Variants in RYR3 observed in about 807,000 individuals in gnomAD.
RYR3 encodes ryanodine receptor 3.
In RYR3, 207 loss-of-function variants were observed where a neutral mutation model predicts 584.3. That is an observed-to-expected ratio of 0.35 (90% confidence interval 0.32 to 0.40). The LOEUF (loss-of-function observed/expected upper bound fraction) is 0.40. Among genes scored for constraint, RYR3 ranks in the 10% least tolerant of loss-of-function variants. The pLI is 1.00. For synonymous variants in RYR3, 2,416 were observed against 2,248.5 expected (o/e 1.07, Z -2.11); for missense variants, 5,616 against 6,089.2 (o/e 0.92, Z 2.59).
intron 68 of RYR3, among the ~76,000 whole-genome samples, chr15:33,801,554 G>T (rs1596667787): frequency 1.3e-5 from 2 of 152,262 alleles, no homozygotes; most frequent in Middle Eastern, 6.8e-3. Context: ...CAGGCCTGCT[G>T]TCTGTCATGT....
chr15:33,423,800 C>T (rs998586726), intron 1 of RYR3, among the ~76,000 whole-genome samples: 3 of 152,080 alleles, frequency 2.0e-5, no homozygotes, highest in African/African-American at 7.2e-5. Context: ...CATGAGGTTT[C>T]TTAAGTGTTC....
chr15:33,512,465 C>T (rs1400468969), intron 3 of RYR3, among the ~76,000 whole-genome samples: 1 of 152,228 alleles, frequency 6.6e-6, no homozygotes, highest in Non-Finnish European at 1.5e-5. Context: ...AAGCTCCAGA[C>T]TCTCTCAAAT....
intron 1 of RYR3, among the ~76,000 whole-genome samples, chr15:33,349,574 T>G (rs1241496484): frequency 6.6e-6 from 1 of 150,890 alleles, no homozygotes; most frequent in African/African-American, 2.4e-5. Flanking sequence ...TTTGTGTACC[T>G]TCTTTTTTTT....
chr15:33,361,403 A>G lies in RYR3; in HGVS notation c.51+50307A>G, dbSNP rs190946927. On this transcript the variant is annotated intron_variant, in intron 1 of 103. Transcript: ENST00000634891. ...CAGAAATAAAACTACCTAACCATGC[A>G]TGGGCCGTCTCCATTTTAGCAAGGT... is the stretch of plus-strand genomic sequence containing the variant. Among the ~76,000 whole-genome samples the G allele has an allele frequency of 1.4e-4, 21 of 152,350 alleles. No individual in the cohort carries two copies. In the East Asian group the frequency reaches 3.9e-3, roughly 28 times the overall value.
intron 18 of RYR3, among the ~76,000 whole-genome samples, chr15:33,604,223 C>G (rs924506525): frequency 1.3e-5 from 2 of 152,236 alleles, no homozygotes; most frequent in Non-Finnish European, 2.9e-5. Context: ...CATTCTTCCT[C>G]AAATCCAGTA....
rs1341904714 is a variant in RYR3 at position 33,785,708 on chromosome 15, C to T, written c.9315C>T (p.Pro3105=). The part of the protein sequence containing the change: ...DTVEDMCPDI[P]QLEGLMKEIN... Reference sequence around the variant, plus strand: ...TAGAAGACATGTGTCCTGACATCCCCCAGCTGGAAGGCCTGATGAAGGAAA... The same window carrying T: ...TAGAAGACATGTGTCCTGACATCCCTCAGCTGGAAGGCCTGATGAAGGAAA... The change falls in exon 66 of 104, where the codon CCC becomes CCT. Residue 3105 remains proline (P), a synonymous_variant. Transcript: ENST00000634891. 1.2e-6 allele frequency: 2 copies of T among 1,612,714 alleles called. No individual in the cohort carries two copies. Among genetic ancestry groups the T allele is most frequent in the Admixed American group, 1.7e-5 (1 of 59,964 alleles).
chr15:33,721,126 T>C (rs542060170), intron 43 of RYR3, among the ~76,000 whole-genome samples: 1 of 152,348 alleles, frequency 6.6e-6, no homozygotes, highest in East Asian at 1.9e-4. Context: ...TCCGCTTTAC[T>C]GTCCTTCTGG....
intron 1 of RYR3, among the ~76,000 whole-genome samples, chr15:33,365,868 A>G (rs954269337): frequency 6.6e-6 from 1 of 152,194 alleles, no homozygotes; most frequent in African/African-American, 2.4e-5. Flanking sequence ...CATATCAGTC[A>G]TGCCTCAGTA....
rs147599833 is a variant in RYR3 at position 33,505,923 on chromosome 15, G to T, written c.279+2185G>T. ...ATCAAACTAGACCCAGCCTACCATG[G>T]TCTCAGGATAGAAATTAAGAAGACA... On this transcript the variant is annotated intron_variant, in intron 3 of 103. Transcript: ENST00000634891. Among the ~76,000 whole-genome samples the T allele has an allele frequency of 2.8e-3, 424 of 152,226 alleles. 3 individuals are homozygous for T. The highest frequency in any genetic ancestry group is 8.8e-3 in the African/African-American group (366 of 41,530).
At chr15:33,673,851 T>G (rs1159157458) in intron 38 of RYR3, among the ~76,000 whole-genome samples, 2 of 152,236 alleles carry the variant, frequency 1.3e-5, no homozygotes, top group Non-Finnish European at 2.9e-5. Flanking sequence ...GATGACCCAT[T>G]GCAATTCAGC....
intron 1 of RYR3, among the ~76,000 whole-genome samples, chr15:33,354,701 AG>A (rs1267581511): frequency 6.6e-6 from 1 of 152,218 alleles, no homozygotes; most frequent in Admixed American, 6.5e-5. Context: ...TTATAAAATA[AG>A]TACATCTTTC....
chr15:33,677,673 C>G (rs917365343), intron 38 of RYR3, among the ~76,000 whole-genome samples: 3 of 152,240 alleles, frequency 2.0e-5, no homozygotes, highest in Non-Finnish European at 4.4e-5. Flanking sequence ...GTATCTGTAT[C>G]TGTCTGGCTA....
At chr15:33,613,084 A>G (rs1264018201) in intron 18 of RYR3, 99 bp from the exon 19 acceptor site, 2 of 850,284 alleles carry the variant, frequency 2.4e-6, no homozygotes, top group African/African-American at 1.7e-5. Context: ...TTGAGTACCC[A>G]TCACACCTCC....
chr15:33,790,027 T>C (rs1157036435), intron 67 of RYR3, among the ~76,000 whole-genome samples: 98 of 88,092 alleles, frequency 1.1e-3, no homozygotes, highest in Middle Eastern at 0.024. Context: ...AGTCTCACTC[T>C]GTCACCCAGG....
At chr15:33,622,435 G>A (rs1451770017) in intron 19 of RYR3, among the ~76,000 whole-genome samples, 1 of 152,126 alleles carries the variant, frequency 6.6e-6, no homozygotes, top group African/African-American at 2.4e-5. Flanking sequence ...GGCCTTCCTT[G>A]ACACCATCTC....
chr15:33,728,848 G>A lies in RYR3; in HGVS notation c.7034-9G>A, dbSNP rs2068689908. On this transcript the variant is annotated splice_polypyrimidine_tract_variant and intron_variant, in intron 46 of 103. Coordinates refer to ENST00000634891, the MANE Select transcript of RYR3 (RefSeq NM_001036.6). ...AAAAGGGAAATTACATTTTCTATGT[G>A]TCTTTCAGATGGGTCGGTCAGTGAG... The A allele has an allele frequency of 6.2e-6, 10 of 1,607,444 alleles. No homozygotes were observed. The highest frequency in any genetic ancestry group is 6.8e-6 in the Non-Finnish European group (8 of 1,177,690).
At chr15:33,596,420 A>G (rs1410567620) in intron 16 of RYR3, among the ~76,000 whole-genome samples, 1 of 151,230 alleles carries the variant, frequency 6.6e-6, no homozygotes, top group East Asian at 1.9e-4. Flanking sequence ...TAAAGTTATA[A>G]AACTGCCGTT....
intron 1 of RYR3, among the ~76,000 whole-genome samples, chr15:33,382,599 GA>G (rs1488888719): frequency 6.6e-6 from 1 of 152,074 alleles, no homozygotes; most frequent in African/African-American, 2.4e-5. Flanking sequence ...TGGGATTACA[GA>G]CATGAGCCAC....
chr15:33,559,716 T>C (rs915816231), intron 10 of RYR3, among the ~76,000 whole-genome samples: 4 of 152,172 alleles, frequency 2.6e-5, no homozygotes, highest in African/African-American at 9.7e-5. Flanking sequence ...TTAGATTGCA[T>C]ATCAAAGGCA....
Sources: allele counts gnomAD v4.1 joint callset (sites outside exome capture counted in the v4.1 genomes callset), GRCh38; gene constraint gnomAD v4.1.1; transcripts MANE v1.5; gene names NCBI Gene and HGNC (gene_info 2026-07-23, HGNC 2026-07-21).